Variants in SEC24A observed in about 807,000 individuals in gnomAD.
SEC24A encodes SEC24 homolog A, COPII component.
SEC24A carries 93 observed loss-of-function variants against 129.4 expected under a neutral mutation model. The observed-to-expected ratio is 0.72, with a 90% CI of 0.61 to 0.85. SEC24A has a LOEUF of 0.85. Among genes scored for constraint, SEC24A ranks in the 40% least tolerant of loss-of-function variants. The probability of loss-of-function intolerance (pLI) is 0.00; values close to 1 mark genes in which losing one functional copy is unlikely to be tolerated. For synonymous variants in SEC24A, 460 were observed against 467.3 expected (o/e 0.98, Z 0.20); for missense variants, 1,264 against 1,307.4 (o/e 0.97, Z 0.51).
At chr5:134,722,422 G>T (rs895584841) in intron 21 of SEC24A, among the ~76,000 whole-genome samples, 2 of 151,936 alleles carry the variant, frequency 1.3e-5, no homozygotes, top group African/African-American at 4.8e-5. Flanking sequence ...AAAATTAGCC[G>T]GGTGTGGTGG....
intron 22 of SEC24A, 93 bp downstream of exon 22, chr5:134,723,763 A>G (rs897672402): frequency 4.1e-6 from 3 of 732,514 alleles, no homozygotes; most frequent in Non-Finnish European, 7.1e-6. Flanking sequence ...GAAGAAAGAA[A>G]AAGAGTTCTT....
At chr5:134,676,438 CTTTTTT>C (rs34581398) in intron 7 of SEC24A, among the ~76,000 whole-genome samples, 26 of 84,208 alleles carry the variant, frequency 3.1e-4, no homozygotes, top group African/African-American at 1.2e-3. Context: ...GCGCCCGGCT[CTTTTTT>C]TTTTTTTTTT....
At chr5:134,708,954 C>A in intron 18 of SEC24A, 66 bp downstream of exon 18, 1 of 1,491,928 alleles carries the variant, frequency 6.7e-7, no homozygotes, top group Non-Finnish European at 9.1e-7. Flanking sequence ...ACCTGCAATC[C>A]CAGCACTTTG....
Position 134,705,450 on chromosome 5 carries a change from A to T in SEC24A, c.2551+13A>T, listed in dbSNP as rs1049651746. 1.7e-5 allele frequency: 26 copies of T among 1,506,048 alleles called. No individual in the cohort carries two copies. Among genetic ancestry groups the T allele is most frequent in the Middle Eastern group, 1.7e-4 (1 of 5,874 alleles). 93.3% of individuals were successfully genotyped at this position (1,506,048 alleles called of 1,614,324 possible). On this transcript the variant is annotated intron_variant, in intron 17 of 22. Transcript: ENST00000398844. Reference sequence around the variant, plus strand: ...TTGGCCAATATGGGTAAGAGTTGTTATCTGTTATAAATATCTTACAAGTAA... The same window carrying T: ...TTGGCCAATATGGGTAAGAGTTGTTTTCTGTTATAAATATCTTACAAGTAA...
chr5:134,691,076 C>T (rs1461403198), intron 11 of SEC24A, among the ~76,000 whole-genome samples: 2 of 151,714 alleles, frequency 1.3e-5, no homozygotes, highest in Non-Finnish European at 2.9e-5. Context: ...TGGTCTCAAA[C>T]TCCTGGCCTC....
At chr5:134,676,146 T>TC in intron 7 of SEC24A, 21 bp downstream of exon 7, 1 of 1,335,096 alleles carries the variant, frequency 7.5e-7, no homozygotes, top group East Asian at 2.7e-5. Context: ...TTTCTTTTCT[T>TC]TTTTTTTTTT....
chr5:134,671,338 G>T (rs895886205), intron 3 of SEC24A, among the ~76,000 whole-genome samples: 1 of 152,176 alleles, frequency 6.6e-6, no homozygotes, highest in Non-Finnish European at 1.5e-5. Context: ...GGGATTACAG[G>T]CGTGAGCCAC....
chr5:134,666,904 G>A lies in SEC24A; in HGVS notation c.647G>A (p.Gly216Glu). The A allele has an allele frequency of 6.2e-7, 1 of 1,613,582 alleles. No homozygotes were observed. The highest frequency in any genetic ancestry group is 1.1e-5 in the South Asian group (1 of 91,054). The change falls in exon 3 of 23, where the codon GGA becomes GAA. Residue 216 changes from glycine to glutamate, a missense_variant. Physicochemically the swap from Gly to Glu is moderately conservative, Grantham distance 98. Coordinates refer to ENST00000398844, the MANE Select transcript of SEC24A (RefSeq NM_021982.3). ...PGAPHGPPPA[G>E]GPPPVRALTP... ...GCTCCTCATGGGCCCCCTCCAGCTG[G>A]AGGCCCACCCCCAGTGAGGGCCCTC... is the stretch of plus-strand genomic sequence containing the variant.
intron 1 of SEC24A, among the ~76,000 whole-genome samples, chr5:134,654,990 C>T (rs1027446450): frequency 6.6e-6 from 1 of 151,976 alleles, no homozygotes; most frequent in Non-Finnish European, 1.5e-5. Flanking sequence ...GCTGGGATTA[C>T]AGGTGTGAAC....
intron 20 of SEC24A, among the ~76,000 whole-genome samples, chr5:134,718,515 G>A (rs565386927): frequency 6.6e-6 from 1 of 152,120 alleles, no homozygotes. Flanking sequence ...CATAGGAGAT[G>A]ACATCTCTAT....
At chr5:134,705,538 GT>G in intron 17 of SEC24A, 101 bp downstream of exon 17, 2 of 666,380 alleles carry the variant, frequency 3.0e-6, no homozygotes, top group Non-Finnish European at 5.1e-6. Flanking sequence ...TAGTTTGAAT[GT>G]TTTAGATCCC....
In SEC24A at chr5:134,705,424, AT is replaced by A; in HGVS notation, c.2540del (p.Leu847TrpfsTer10). The A allele has an allele frequency of 6.2e-7, 1 of 1,600,802 alleles. No individual in the cohort carries two copies. The highest frequency in any genetic ancestry group is 8.6e-7 in the Non-Finnish European group (1 of 1,168,658). ...CTGATGTTCAAGCAATTTCAGGGTTATTGGCCAATATGGGTAAGAGTTGTTA... is the reference window on the plus strand; with the variant it reads ...CTGATGTTCAAGCAATTTCAGGGTTATGGCCAATATGGGTAAGAGTTGTTA... ...GADVQAISGLLANMAVDRSMT... is the reference protein window; with the variant it reads ...GADVQAISGLXANMAVDRSMT... On this transcript the variant is annotated frameshift_variant, in exon 17 of 23. Transcript: ENST00000398844. LOFTEE classifies it high-confidence loss of function.
chr5:134,688,420 G>T, intron 11 of SEC24A, 121 bp downstream of exon 11: 1 of 652,020 alleles, frequency 1.5e-6, no homozygotes, highest in South Asian at 2.0e-5. Flanking sequence ...ATAAAATCAT[G>T]ATTGTTGGAG....
At chr5:134,712,535 C>T (rs959344418) in intron 18 of SEC24A, among the ~76,000 whole-genome samples, 4 of 152,158 alleles carry the variant, frequency 2.6e-5, no homozygotes, top group Non-Finnish European at 5.9e-5. Context: ...CAGACATGAG[C>T]CACCGTGCCC....
In SEC24A at chr5:134,727,658, G is replaced by A. The variant is rs975658992; in HGVS notation, c.*2564G>A. ...ATAGAAATTTTAATTTTGTAAAGTA[G>A]TGTATAATATTGTAATATTAAATTC... On this transcript the variant is annotated 3_prime_UTR_variant, in exon 23 of 23. Coordinates refer to ENST00000398844, the MANE Select transcript of SEC24A (RefSeq NM_021982.3). The A allele has an allele frequency of 2.6e-5, 4 of 152,580 alleles. No individual in the cohort carries two copies. The highest frequency in any genetic ancestry group is 5.9e-5 in the Non-Finnish European group (4 of 67,996). 9.5% of individuals were successfully genotyped at this position (152,580 alleles called of 1,614,324 possible).
In SEC24A at chr5:134,661,539, A is replaced by G. The variant is rs1287790637; in HGVS notation, c.518A>G (p.Tyr173Cys). ...GNTSLTTNHQYVSSGYPSLQN... is the reference protein window; with the variant it reads ...GNTSLTTNHQCVSSGYPSLQN... ...ACAAGTTTAACCACAAATCATCAAT[A>G]TGTTTCTTCTGGATATCCTTCACTT... Residue 173 changes from tyrosine (Y) to cysteine (C), a missense_variant, in exon 2 of 23, where the codon TAT becomes TGT. Tyr to Cys is a radical substitution (Grantham distance 194, BLOSUM62 -2). Coordinates refer to ENST00000398844, the MANE Select transcript of SEC24A (RefSeq NM_021982.3). 3.7e-6 allele frequency: 6 copies of G among 1,614,092 alleles called. No homozygotes were observed. Among genetic ancestry groups the G allele is most frequent in the South Asian group, 3.3e-5 (3 of 91,080 alleles).
intron 3 of SEC24A, among the ~76,000 whole-genome samples, chr5:134,671,303 G>C (rs145076251): frequency 6.6e-6 from 1 of 152,022 alleles, no homozygotes; most frequent in Non-Finnish European, 1.5e-5. Context: ...CTCGTGATCC[G>C]CCCGCCTTGG....
In SEC24A at chr5:134,712,573, A is replaced by C. The variant is rs147617624; in HGVS notation, c.2728-2451A>C. 1.4e-3 allele frequency among the ~76,000 whole-genome samples: 212 copies of C among 149,478 alleles called. 1 individual carries two copies. The highest frequency in any genetic ancestry group is 4.1e-3 in the African/African-American group (168 of 40,582). ...TCTCTAGTTCTCACTTCTTTAACTC[A>C]AATTATTTATTTCTATTTCTGAATA... On this transcript the variant is annotated intron_variant, in intron 18 of 22. Transcript: ENST00000398844.
chr5:134,715,740 G>C (rs530131538), intron 19 of SEC24A, among the ~76,000 whole-genome samples: 2 of 151,990 alleles, frequency 1.3e-5, no homozygotes, highest in Admixed American at 6.6e-5. Context: ...AATGCATGTG[G>C]GGCTTAAAAC....
Sources: allele counts gnomAD v4.1 joint callset (sites outside exome capture counted in the v4.1 genomes callset), GRCh38; gene constraint gnomAD v4.1.1; transcripts MANE v1.5; gene names NCBI Gene and HGNC (gene_info 2026-07-23, HGNC 2026-07-21).